Variants in CHRNB3 observed in about 807,000 individuals in gnomAD.
CHRNB3 encodes cholinergic receptor nicotinic beta 3 subunit.
CHRNB3 carries 37 observed loss-of-function variants against 40.6 expected under a neutral mutation model. The observed-to-expected ratio is 0.91, with a 90% CI of 0.70 to 1.20. The LOEUF (loss-of-function observed/expected upper bound fraction) is 1.20, where lower values mean the gene tolerates loss of function less well. Ranked by LOEUF, CHRNB3 falls within the 50% of genes most tolerant of loss-of-function variation. The pLI, the probability that CHRNB3 is intolerant of heterozygous loss-of-function variation, is 0.00. For missense variants in CHRNB3, 505 were observed against 551.2 expected, an observed-to-expected ratio of 0.92 and a Z score of 0.84; for synonymous variants, 207 against 207.1, an observed-to-expected ratio of 1.00 and a Z score of 0.00.
intron 5 of CHRNB3, among the ~76,000 whole-genome samples, chr8:42,735,702 C>G (rs1816512305): frequency 6.6e-6 from 1 of 152,102 alleles, no homozygotes; most frequent in South Asian, 2.1e-4. Context: ...GTTGCCCACT[C>G]TCTGCACCTC....
chr8:42,703,354 G>T (rs1189363070), intron 1 of CHRNB3, among the ~76,000 whole-genome samples: 2 of 149,150 alleles, frequency 1.3e-5, no homozygotes, highest in East Asian at 4.0e-4. Flanking sequence ...AACCCAGGAG[G>T]CAGAGGTTGC....
rs1415575727 is a variant in CHRNB3, at chr8:42,736,966, G to A, written c.*348G>A. ...CTCCTAGAAGCAGCAGGCCTCGGTGGTGGGGGAGGGGGGATTCACCTGGAA... is the reference window on the plus strand; with the variant it reads ...CTCCTAGAAGCAGCAGGCCTCGGTGATGGGGGAGGGGGGATTCACCTGGAA... On this transcript the variant is annotated 3_prime_UTR_variant, in exon 6 of 6. Coordinates refer to ENST00000289957, the MANE Select transcript of CHRNB3 (RefSeq NM_000749.5). 5 of 204,668 alleles carry A rather than the reference G, an allele frequency of 2.4e-5. No individual in the cohort carries two copies. The highest frequency in any genetic ancestry group is 4.9e-5 in the Non-Finnish European group (5 of 102,770). 12.7% of individuals were successfully genotyped at this position (204,668 alleles called of 1,614,324 possible).
rs1429445482 is a variant in CHRNB3 at position 42,703,744 on chromosome 8, T to C, written c.53-4973T>C. Among the ~76,000 whole-genome samples, 4 of 152,208 alleles carry C rather than the reference T, an allele frequency of 2.6e-5. No individual in the cohort carries two copies. In the East Asian group the frequency reaches 5.8e-4, roughly 22 times the overall value. ...CAGAAAGCCCCGTTATGGCCTTTTG[T>C]TCATGTGTTCATTTGTTCATTCATC... On this transcript the variant is annotated intron_variant, in intron 1 of 5. Coordinates refer to ENST00000289957, the MANE Select transcript of CHRNB3 (RefSeq NM_000749.5).
intron 1 of CHRNB3, among the ~76,000 whole-genome samples, chr8:42,701,952 G>A (rs1402852176): frequency 6.6e-6 from 1 of 152,164 alleles, no homozygotes; most frequent in Non-Finnish European, 1.5e-5. Flanking sequence ...TTTCTTATTG[G>A]GAGATGTTAA....
At chr8:42,735,142 C>A (rs976514748) in intron 5 of CHRNB3, among the ~76,000 whole-genome samples, 90 of 151,818 alleles carry the variant, frequency 5.9e-4, no homozygotes, top group Admixed American at 1.5e-3. Flanking sequence ...ATGGTGTGAA[C>A]CCGGGAGACG....
At chr8:42,731,089 T>TAAAA (rs1350579314) in intron 4 of CHRNB3, among the ~76,000 whole-genome samples, 1 of 100,656 alleles carries the variant, frequency 9.9e-6, no homozygotes, top group African/African-American at 3.9e-5. Context: ...AATAAATAAA[T>TAAAA]AAAAAATAAA....
At chr8:42,727,178 GC>G (rs767584145) in intron 3 of CHRNB3, among the ~76,000 whole-genome samples, 34 of 152,006 alleles carry the variant, frequency 2.2e-4, no homozygotes, top group Non-Finnish European at 4.4e-4. Flanking sequence ...TTCGAGACCA[GC>G]CTGGCCAACA....
At chr8:42,710,245 G>A in intron 2 of CHRNB3, 145 bp from the exon 3 acceptor site, 1 of 646,066 alleles carries the variant, frequency 1.5e-6, no homozygotes, top group Admixed American at 3.0e-5. Flanking sequence ...TTGAGCCCCG[G>A]AGGTTGAGGG....
At chr8:42,714,627 C>T (rs1474277920) in intron 3 of CHRNB3, among the ~76,000 whole-genome samples, 1 of 151,948 alleles carries the variant, frequency 6.6e-6, no homozygotes, top group Non-Finnish European at 1.5e-5. Flanking sequence ...TTACACAGAT[C>T]TTAGTTCCAG....
intron 4 of CHRNB3, among the ~76,000 whole-genome samples, chr8:42,730,962 G>A (rs1816404290): frequency 6.8e-6 from 1 of 147,696 alleles, no homozygotes; most frequent in African/African-American, 2.5e-5. Context: ...GCAGGAGAAT[G>A]GCGTGAACCC....
At chr8:42,710,097 T>C (rs1022516407) in intron 2 of CHRNB3, among the ~76,000 whole-genome samples, 2 of 152,228 alleles carry the variant, frequency 1.3e-5, no homozygotes, top group African/African-American at 4.8e-5. Flanking sequence ...CTATTGTAAA[T>C]TGAGAATCTT....
chr8:42,736,850 C>G lies in CHRNB3; in HGVS notation c.*232C>G. On this transcript the variant is annotated 3_prime_UTR_variant, in exon 6 of 6. Transcript: ENST00000289957. ...TCCTCAGACCCCTGCCTTGGCTTTC[C>G]CAGACATTCAGGGAGGGATCATAGG... 5.3e-6 allele frequency: 3 copies of G among 564,926 alleles called. No individual in the cohort carries two copies. Among genetic ancestry groups the G allele is most frequent in the Middle Eastern group, 9.6e-4 (2 of 2,080 alleles). 35.0% of individuals were successfully genotyped at this position (564,926 alleles called of 1,614,324 possible).
intron 1 of CHRNB3, among the ~76,000 whole-genome samples, chr8:42,699,117 T>C (rs1367668467): frequency 1.3e-5 from 2 of 152,236 alleles, no homozygotes; most frequent in Non-Finnish European, 2.9e-5. Context: ...TTTTTAACTT[T>C]ACTATTCATT....
At chr8:42,722,547 C>T (rs554532208) in intron 3 of CHRNB3, among the ~76,000 whole-genome samples, 15 of 152,056 alleles carry the variant, frequency 9.9e-5, no homozygotes, top group African/African-American at 3.1e-4. Flanking sequence ...ATAATTCCCC[C>T]GACTTTTATT....
In CHRNB3 at chr8:42,717,547, T is replaced by C. The variant is rs148604449; in HGVS notation, c.249+7113T>C. Reference sequence around the variant, plus strand: ...TACTCATGATCTGATTTTCCTTCCTTTTCTACAACCTTACTCTGACCTTAG... The same window carrying C: ...TACTCATGATCTGATTTTCCTTCCTCTTCTACAACCTTACTCTGACCTTAG... On this transcript the variant is annotated intron_variant, in intron 3 of 5. Transcript: ENST00000289957. Among the ~76,000 whole-genome samples the C allele has an allele frequency of 5.1e-4, 77 of 151,658 alleles. 1 individual carries two copies. In the East Asian group the frequency reaches 0.014, roughly 28 times the overall value.
At chr8:42,718,973 C>T (rs1301588557) in intron 3 of CHRNB3, among the ~76,000 whole-genome samples, 1 of 152,056 alleles carries the variant, frequency 6.6e-6, no homozygotes, top group East Asian at 1.9e-4. Context: ...ATATCCTGTG[C>T]GATCCTGTTT....
intron 3 of CHRNB3, among the ~76,000 whole-genome samples, chr8:42,711,207 G>A (rs565048196): frequency 6.6e-5 from 10 of 152,144 alleles, no homozygotes; most frequent in African/African-American, 2.2e-4. Context: ...CTATTCGGGA[G>A]GCTGAGGCAG....
chr8:42,718,597 T>C (rs1291716332), intron 3 of CHRNB3, among the ~76,000 whole-genome samples: 1 of 139,968 alleles, frequency 7.1e-6, no homozygotes, highest in Non-Finnish European at 1.5e-5. Context: ...GGCGTGAACC[T>C]GGGAGGCAGA....
chr8:42,736,359 A>T, intron 5 of CHRNB3, 125 bp from the exon 6 acceptor site: 1 of 1,149,402 alleles, frequency 8.7e-7, no homozygotes, highest in Non-Finnish European at 1.3e-6. Flanking sequence ...TTGGGACATT[A>T]GATGCATTTT....
Sources: allele counts gnomAD v4.1 joint callset (sites outside exome capture counted in the v4.1 genomes callset), GRCh38; gene constraint gnomAD v4.1.1; transcripts MANE v1.5; gene names NCBI Gene and HGNC (gene_info 2026-07-23, HGNC 2026-07-21).